Variants in CMKLR1 observed in about 807,000 individuals in gnomAD.
CMKLR1 encodes the protein chemerin chemokine-like receptor 1, also known as chemerin-like receptor 1.
A neutral mutation model predicts 8.2 loss-of-function variants in CMKLR1; 6 were observed. The observed-to-expected ratio is 0.73, with a 90% CI of 0.40 to 1.44. CMKLR1 has a LOEUF of 1.44. Among genes scored for constraint, CMKLR1 ranks in the 40% most tolerant of loss-of-function variants. The pLI, the probability that CMKLR1 is intolerant of heterozygous loss-of-function variation, is 0.02. For synonymous variants in CMKLR1, 178 were observed against 181.2 expected, an observed-to-expected ratio of 0.98 and a Z score of 0.14; for missense variants, 429 against 478.0, an observed-to-expected ratio of 0.90 and a Z score of 0.96.
chr12:108,306,429 T>C (rs143738846), intron 2 of CMKLR1, among the ~76,000 whole-genome samples: 1 of 152,228 alleles, frequency 6.6e-6, no homozygotes, highest in African/African-American at 2.4e-5. Flanking sequence ...GCCAACACTC[T>C]GACTCAGAAA....
At chr12:108,297,454 T>C (rs976033232) in intron 2 of CMKLR1, among the ~76,000 whole-genome samples, 1 of 152,218 alleles carries the variant, frequency 6.6e-6, no homozygotes, top group African/African-American at 2.4e-5. Context: ...TTTTTGACTG[T>C]ACAGTGAGTT....
chr12:108,293,672 G>GTAAA lies in CMKLR1; in HGVS notation c.-73-9_-73-8insTTTA. On this transcript the variant is annotated splice_polypyrimidine_tract_variant and intron_variant, in intron 2 of 3. Coordinates refer to ENST00000550402, the MANE Select transcript of CMKLR1 (RefSeq NM_001142343.2). ...GTACACAGCTAGAAACACCTGTAGGGAAAAAAAAAAAAAAAAAAGCAGCAA... is the reference window on the plus strand; with the variant it reads ...GTACACAGCTAGAAACACCTGTAGGGTAAAAAAAAAAAAAAAAAAAAAGCAGCAA... The GTAAA allele has an allele frequency of 1.1e-6, 1 of 901,972 alleles. No individual in the cohort carries two copies. Among genetic ancestry groups the GTAAA allele is most frequent in the Non-Finnish European group, 1.6e-6 (1 of 631,184 alleles). 55.9% of individuals were successfully genotyped at this position (901,972 alleles called of 1,614,324 possible). A position where few individuals can be genotyped will look rare whatever the true frequency, so the allele number is the denominator to read the frequency against.
rs578170430 is a variant in CMKLR1, at chr12:108,316,470, G to C, written c.-74+13525C>G. 6.6e-5 allele frequency among the ~76,000 whole-genome samples: 10 copies of C among 152,282 alleles called. No individual in the cohort carries two copies. The South Asian group carries it at 1.2e-3, about 19-fold the overall frequency. Reference sequence around the variant, plus strand: ...CACAGGGACTGGAAAAAGGAGGACAGAGCGGTCAGGGCAAAGCAGCAAAGT... The same window carrying C: ...CACAGGGACTGGAAAAAGGAGGACACAGCGGTCAGGGCAAAGCAGCAAAGT... On this transcript the variant is annotated intron_variant, in intron 2 of 3. Coordinates refer to ENST00000550402, the MANE Select transcript of CMKLR1 (RefSeq NM_001142343.2).
chr12:108,293,475 G>C lies in CMKLR1; in HGVS notation c.3+114C>G, dbSNP rs1279699916. 6 of 1,089,938 alleles carry C rather than the reference G, an allele frequency of 5.5e-6. 1 individual carries two copies. The allele number at this position is 1,089,938 out of a possible 1,614,324, so 67.5% of individuals were successfully genotyped here. On this transcript the variant is annotated intron_variant, in intron 3 of 3. Coordinates refer to ENST00000550402, the MANE Select transcript of CMKLR1 (RefSeq NM_001142343.2). ...AAGAGGTACATGGTGCTGTGAACTT[G>C]ATTCCAACATGCTTCTAAAACCAAG...
chr12:108,327,061 A>T (rs1891996260), intron 2 of CMKLR1, among the ~76,000 whole-genome samples: 1 of 152,188 alleles, frequency 6.6e-6, no homozygotes, highest in South Asian at 2.1e-4. Flanking sequence ...GGGACTCAGG[A>T]TTTGAACTCA....
At chr12:108,305,359 C>A (rs1891380898) in intron 2 of CMKLR1, among the ~76,000 whole-genome samples, 1 of 152,186 alleles carries the variant, frequency 6.6e-6, no homozygotes, top group Non-Finnish European at 1.5e-5. Context: ...GACTTTTTGA[C>A]CCCAAAGCAC....
At chr12:108,315,053 T>C (rs937585303) in intron 2 of CMKLR1, among the ~76,000 whole-genome samples, 1 of 151,866 alleles carries the variant, frequency 6.6e-6, no homozygotes, top group South Asian at 2.1e-4. Context: ...TTCTCCTGCT[T>C]CAGCCTCCCA....
chr12:108,303,246 C>T (rs1891324609), intron 2 of CMKLR1, among the ~76,000 whole-genome samples: 1 of 152,212 alleles, frequency 6.6e-6, no homozygotes, highest in Non-Finnish European at 1.5e-5. Flanking sequence ...CTCGTCGAGC[C>T]CAGCCCCTGC....
chr12:108,310,907 A>G (rs1891544771), intron 2 of CMKLR1, among the ~76,000 whole-genome samples: 1 of 152,106 alleles, frequency 6.6e-6, no homozygotes, highest in Admixed American at 6.5e-5. Context: ...CCAGGGAGGC[A>G]CATCCCAGGA....
chr12:108,335,681 C>CT (rs1193692553), intron 1 of CMKLR1, among the ~76,000 whole-genome samples: 2 of 152,212 alleles, frequency 1.3e-5, no homozygotes, highest in Non-Finnish European at 2.9e-5. Flanking sequence ...ACTTTGGTCT[C>CT]TTAACTCCTT....
At chr12:108,338,140 T>C (rs1892274013) in intron 1 of CMKLR1, among the ~76,000 whole-genome samples, 1 of 152,222 alleles carries the variant, frequency 6.6e-6, no homozygotes, top group South Asian at 2.1e-4. Flanking sequence ...CTTATAATTT[T>C]GCCAAAGCTG....
chr12:108,320,512 G>A (rs544791045), intron 2 of CMKLR1: 2 of 152,400 alleles, frequency 1.3e-5, no homozygotes, highest in African/African-American at 4.8e-5. Context: ...AAAAGTGCCA[G>A]TCCACCTCCT....
In CMKLR1 at chr12:108,292,440, G is replaced by C. The variant is rs750569132; in HGVS notation, c.523C>G (p.Leu175Val). ...AGGTTGGCTGTGTCCCGGAAGACGA[G>C]AGATGGGGAACTCAAGAAGAAAGCC... is the stretch of plus-strand genomic sequence containing the variant. ...VLAFFLSSPS[L>V]VFRDTANLHG... Residue 175 changes from leucine to valine, a missense_variant, in exon 4 of 4, where the codon CTC becomes GTC. By Grantham distance (32) the Leu-to-Val change is conservative (BLOSUM62 1). Transcript: ENST00000550402. The C allele has an allele frequency of 1.7e-5, 28 of 1,614,072 alleles. No individual in the cohort carries two copies. The highest frequency in any genetic ancestry group is 2.3e-5 in the Non-Finnish European group (27 of 1,180,052).
At position 108,291,505 on chromosome 12, in the gene CMKLR1, C is replaced by T. The variant is rs1890963045; in HGVS notation, c.*336G>A. 1 of 262,792 alleles carries T rather than the reference C, an allele frequency of 3.8e-6. No individual in the cohort carries two copies. The allele number at this position is 262,792 out of a possible 1,614,324, so 16.3% of individuals were successfully genotyped here. A position where few individuals can be genotyped will look rare whatever the true frequency, so the allele number is the denominator to read the frequency against. ...ACCTTGGAGAGTGTCATTTCTGGGG[C>T]ACACACAATAGGCAGCTTAATCCCA... On this transcript the variant is annotated 3_prime_UTR_variant, in exon 4 of 4. Transcript: ENST00000550402.
intron 2 of CMKLR1, among the ~76,000 whole-genome samples, chr12:108,321,671 G>C (rs576070521): frequency 1.3e-5 from 2 of 152,130 alleles, no homozygotes; most frequent in Non-Finnish European, 2.9e-5. Context: ...AGAACCCACT[G>C]CAGGGGTTCT....
chr12:108,318,087 T>C (rs1166199903), intron 2 of CMKLR1, among the ~76,000 whole-genome samples: 2 of 152,244 alleles, frequency 1.3e-5, no homozygotes, highest in East Asian at 1.9e-4. Context: ...TAGTATTCCA[T>C]TGGTAGATTT....
chr12:108,331,059 C>T (rs1372043247), intron 1 of CMKLR1, among the ~76,000 whole-genome samples: 1 of 152,142 alleles, frequency 6.6e-6, no homozygotes, highest in Non-Finnish European at 1.5e-5. Flanking sequence ...AGCATGTCTC[C>T]CTAGCATGGG....
rs751530283 is a variant in CMKLR1, at chr12:108,292,807, G to A, written c.156C>T (p.Phe52=). 2 of 1,614,174 alleles carry A rather than the reference G, an allele frequency of 1.2e-6. No homozygotes were observed. Among genetic ancestry groups the A allele is most frequent in the East Asian group, 4.5e-5 (2 of 44,880 alleles). ...CCAGACCATTGCCCAGAATCCCGAG[G>A]AAGCAGACGATGCTGTAGACCACCA... ...FLVVVYSIVC[F]LGILGNGLVI... is the part of the protein sequence containing the mutation. The change falls in exon 4 of 4, where the codon TTC becomes TTT. Residue 52 remains phenylalanine (F), a synonymous_variant. Coordinates refer to ENST00000550402, the MANE Select transcript of CMKLR1 (RefSeq NM_001142343.2).
At chr12:108,324,046 G>C (rs867475840) in intron 2 of CMKLR1, among the ~76,000 whole-genome samples, 2 of 152,138 alleles carry the variant, frequency 1.3e-5, no homozygotes, top group African/African-American at 4.8e-5. Context: ...GAGGTCTAGG[G>C]CTCCAGCAGG....
Sources: gnomAD v4.1 joint callset for allele counts (sites outside exome capture counted in the v4.1 genomes callset) on GRCh38, gnomAD v4.1.1 for gene constraint, MANE v1.5 for transcripts, NCBI Gene and HGNC (gene_info 2026-07-23, HGNC 2026-07-21) for gene names.